CDK8: variants seen among roughly 807,000 people sequenced by gnomAD.
CDK8 encodes the protein cyclin dependent kinase 8.
In CDK8, 29 loss-of-function variants were observed where a neutral mutation model predicts 71.5. The ratio of observed to expected loss-of-function variants is 0.41; its 90% CI spans 0.30 to 0.55. The LOEUF (loss-of-function observed/expected upper bound fraction) is 0.55, where lower values mean the gene tolerates loss of function less well. CDK8 is among the 20% of genes least tolerant of loss of function. The pLI is 0.37. For missense variants in CDK8, 288 were observed against 572.6 expected, an observed-to-expected ratio of 0.50 and a Z score of 5.07; for synonymous variants, 161 against 192.1, an observed-to-expected ratio of 0.84 and a Z score of 1.34.
rs58160694 is a variant in CDK8 at position 26,271,806 on chromosome 13, C to CTTTTTTTTTTTTTTTTTTTTTTTTTTT, written c.128+17047_128+17073dup. On this transcript the variant is annotated intron_variant, in intron 1 of 12. Coordinates refer to ENST00000381527, the MANE Select transcript of CDK8 (RefSeq NM_001260.3). ...CCTGGGGGACAGAGTGAGACCCTGT[C>CTTTTTTTTTTTTTTTTTTTTTTTTTTT]TTTTTTTTTTTTTTTTTTTTTTTTT... 4.8e-5 allele frequency among the ~76,000 whole-genome samples: 3 copies of CTTTTTTTTTTTTTTTTTTTTTTTTTTT among 62,684 alleles called. 1 individual carries two copies. Among genetic ancestry groups the CTTTTTTTTTTTTTTTTTTTTTTTTTTT allele is most frequent in the African/African-American group, 2.6e-4 (3 of 11,532 alleles). 41.1% of individuals were successfully genotyped at this position (62,684 alleles called of 152,430 possible). A position where few individuals can be genotyped will look rare whatever the true frequency, so the allele number is the denominator to read the frequency against.
chr13:26,334,814 C>G (rs1478092546), intron 1 of CDK8, among the ~76,000 whole-genome samples: 3 of 152,124 alleles, frequency 2.0e-5, no homozygotes, highest in Non-Finnish European at 4.4e-5. Flanking sequence ...TCACGTCTGC[C>G]CTTCCTTTTA....
intron 1 of CDK8, among the ~76,000 whole-genome samples, chr13:26,255,522 A>G (rs1214157863): frequency 6.6e-6 from 1 of 152,174 alleles, no homozygotes; most frequent in Non-Finnish European, 1.5e-5. Flanking sequence ...AATTAAACCT[A>G]TGACTGGTAA....
At chr13:26,336,118 A>AAC (rs1555230781) in intron 1 of CDK8, among the ~76,000 whole-genome samples, 1 of 62,058 alleles carries the variant, frequency 1.6e-5, no homozygotes, top group African/African-American at 5.7e-5. Flanking sequence ...CTAATACACA[A>AAC]ACATACACAC....
intron 1 of CDK8, among the ~76,000 whole-genome samples, chr13:26,290,822 A>C (rs935090070): frequency 1.3e-5 from 2 of 152,030 alleles, no homozygotes; most frequent in South Asian, 2.1e-4. Flanking sequence ...AACAAACAAA[A>C]AAACAAATTC....
intron 1 of CDK8, among the ~76,000 whole-genome samples, chr13:26,281,987 G>C (rs1872771060): frequency 2.0e-5 from 3 of 151,546 alleles, no homozygotes; most frequent in Admixed American, 2.0e-4. Context: ...CAAAGATAAG[G>C]CTTACAAATT....
At chr13:26,383,217 T>C (rs1161712920) in intron 5 of CDK8, among the ~76,000 whole-genome samples, 1 of 152,206 alleles carries the variant, frequency 6.6e-6, no homozygotes, top group Non-Finnish European at 1.5e-5. Context: ...ATAATTCTAC[T>C]ATCAGTTGTG....
At chr13:26,348,594 A>G (rs1448672748) in intron 2 of CDK8, among the ~76,000 whole-genome samples, 1 of 150,800 alleles carries the variant, frequency 6.6e-6, no homozygotes, top group East Asian at 2.0e-4. Context: ...CCACCCCATT[A>G]TCCGTGGAAA....
chr13:26,320,799 A>G (rs1457286224), intron 1 of CDK8, among the ~76,000 whole-genome samples: 3 of 152,228 alleles, frequency 2.0e-5, no homozygotes, highest in East Asian at 1.9e-4. Flanking sequence ...TTAGGAAAAT[A>G]CAAATCAAAA....
chr13:26,353,932 AC>A (rs780075932), intron 4 of CDK8, 52 bp downstream of exon 4: 1 of 1,522,798 alleles, frequency 6.6e-7, no homozygotes, highest in African/African-American at 1.4e-5. Flanking sequence ...ACAGTTGGAT[AC>A]TTTTCTAGTC....
Position 26,359,380 on chromosome 13 carries a change from A to G in CDK8, c.456+5500A>G, listed in dbSNP as rs1007652653. On this transcript the variant is annotated intron_variant, in intron 4 of 12. Coordinates refer to ENST00000381527, the MANE Select transcript of CDK8 (RefSeq NM_001260.3). ...TGTTACGTGTATTTTACCACAATAA[A>G]AGACATCGGGAGAAAATATGTTTAA... is the stretch of plus-strand genomic sequence containing the variant. 1.4e-4 allele frequency: 22 copies of G among 155,360 alleles called. 1 individual carries two copies. The highest frequency in any genetic ancestry group is 2.9e-5 in the Non-Finnish European group (2 of 70,102). 9.6% of individuals were successfully genotyped at this position (155,360 alleles called of 1,614,324 possible).
At chr13:26,390,047 C>T (rs1875674838) in intron 6 of CDK8, among the ~76,000 whole-genome samples, 1 of 151,972 alleles carries the variant, frequency 6.6e-6, no homozygotes, top group Non-Finnish European at 1.5e-5. Context: ...AAAATGGAAC[C>T]TTTTCTTTAA....
chr13:26,369,786 G>A (rs1293353972), intron 4 of CDK8, among the ~76,000 whole-genome samples: 1 of 138,714 alleles, frequency 7.2e-6, no homozygotes, highest in East Asian at 2.1e-4. Flanking sequence ...TCGATCTCCT[G>A]ACCTCCTGAT....
At chr13:26,372,813 A>C (rs1056976021) in intron 4 of CDK8, among the ~76,000 whole-genome samples, 1 of 152,046 alleles carries the variant, frequency 6.6e-6, no homozygotes, top group Non-Finnish European at 1.5e-5. Context: ...CATAACTAAC[A>C]TTCATGTTGC....
chr13:26,356,074 G>A (rs530699552), intron 4 of CDK8, among the ~76,000 whole-genome samples: 1 of 152,172 alleles, frequency 6.6e-6, no homozygotes, highest in Non-Finnish European at 1.5e-5. Context: ...CTTTGACATA[G>A]GGGTAGTATA....
rs150423798 is a variant in CDK8 at position 26,362,175 on chromosome 13, G to A, written c.456+8295G>A. Among the ~76,000 whole-genome samples the A allele has an allele frequency of 6.6e-3, 998 of 152,132 alleles. 10 individuals carry two copies. Among genetic ancestry groups the A allele is most frequent in the African/African-American group, 0.021 (865 of 41,498 alleles). On this transcript the variant is annotated intron_variant, in intron 4 of 12. Transcript: ENST00000381527. ...TGTATTAGAGTTCTCCAGAGAAACA[G>A]AGTCAATAGGATAGATAGGTAGATG... is the stretch of plus-strand genomic sequence containing the variant.
At chr13:26,314,144 TG>T (rs1441369564) in intron 1 of CDK8, among the ~76,000 whole-genome samples, 2 of 152,262 alleles carry the variant, frequency 1.3e-5, no homozygotes, top group East Asian at 1.9e-4. Context: ...TTTTCTATCA[TG>T]CCGTGGATGG....
At chr13:26,360,841 A>G (rs1874105365) in intron 4 of CDK8, among the ~76,000 whole-genome samples, 1 of 152,138 alleles carries the variant, frequency 6.6e-6, no homozygotes, top group Non-Finnish European at 1.5e-5. Flanking sequence ...TACCTCTACT[A>G]TGATTTACTG....
chr13:26,324,858 C>T, intron 1 of CDK8: 5 of 565,486 alleles, frequency 8.8e-6, no homozygotes, highest in Non-Finnish European at 1.1e-5. Context: ...CATTCTAGTT[C>T]TGATAATGTA....
intron 1 of CDK8, among the ~76,000 whole-genome samples, chr13:26,323,424 A>G (rs1216278295): frequency 6.6e-6 from 1 of 151,916 alleles, no homozygotes; most frequent in Admixed American, 6.6e-5. Flanking sequence ...CACTAATCTC[A>G]TCTTGAAGAC....
Sources: gnomAD v4.1 joint callset for allele counts (sites outside exome capture counted in the v4.1 genomes callset) on GRCh38, gnomAD v4.1.1 for gene constraint, MANE v1.5 for transcripts, NCBI Gene and HGNC (gene_info 2026-07-23, HGNC 2026-07-21) for gene names.